The following SAXO2 variants were observed in gnomAD, a reference collection of about 807,000 sequenced individuals.
The protein encoded by SAXO2 is family with sequence similarity 154, member B.
In SAXO2, 17 loss-of-function variants were observed where a neutral mutation model predicts 18.7. The ratio of observed to expected loss-of-function variants is 0.91; its 90% CI spans 0.62 to 1.36. The LOEUF (loss-of-function observed/expected upper bound fraction) is 1.36. SAXO2 is among the 40% of genes most tolerant of loss of function. The pLI is 0.00. For missense variants in SAXO2, 486 were observed against 562.6 expected, an observed-to-expected ratio of 0.86 and a Z score of 1.38; for synonymous variants, 163 against 181.2, an observed-to-expected ratio of 0.90 and a Z score of 0.81.
At chr15:82,266,873 AC>A (rs1475556886) in intron 2 of SAXO2, among the ~76,000 whole-genome samples, 3 of 152,240 alleles carry the variant, frequency 2.0e-5, no homozygotes, top group African/African-American at 7.2e-5. Context: ...CATACTAGGT[AC>A]CCAATATTTG....
intron 2 of SAXO2, among the ~76,000 whole-genome samples, chr15:82,268,984 T>C (rs1228631432): frequency 6.6e-6 from 1 of 152,158 alleles, no homozygotes; most frequent in African/African-American, 2.4e-5. Context: ...TATTCCCCTC[T>C]AGTTCGTATT....
intron 3 of SAXO2, among the ~76,000 whole-genome samples, chr15:82,281,167 G>A (rs1387067457): frequency 6.6e-6 from 1 of 152,132 alleles, no homozygotes; most frequent in Non-Finnish European, 1.5e-5. Context: ...CAATTCTATG[G>A]TATTTCCTAG....
chr15:82,262,972 AGCCGACCTAGG>A (rs1226811725), intron 1 of SAXO2, 40 bp downstream of exon 1: 2 of 1,575,064 alleles, frequency 1.3e-6, no homozygotes, highest in Non-Finnish European at 1.7e-6. Flanking sequence ...CGGGCTTGGG[AGCCGACCTAGG>A]GCCTAGGTGC....
intron 2 of SAXO2, among the ~76,000 whole-genome samples, chr15:82,266,148 A>C (rs569816512): frequency 5.7e-4 from 84 of 148,568 alleles, no homozygotes; most frequent in South Asian, 1.3e-3. Flanking sequence ...ACAACAACAA[A>C]AAAAAAATCA....
intron 1 of SAXO2, chr15:82,264,690 A>C (rs1265765726): frequency 2.8e-6 from 2 of 702,392 alleles, no homozygotes; most frequent in South Asian, 3.0e-5. Flanking sequence ...CTGACAAGGG[A>C]GCCACTGCCT....
In SAXO2 at chr15:82,271,658, T is replaced by C. The variant is rs763641873; in HGVS notation, c.289T>C (p.Tyr97His). 14 of 1,613,910 alleles carry C rather than the reference T, an allele frequency of 8.7e-6. No homozygotes were observed. The highest frequency in any genetic ancestry group is 1.3e-5 in the African/African-American group (1 of 74,924). Residue 97 changes from tyrosine to histidine, a missense_variant, in exon 3 of 4, where the codon TAT becomes CAT. Physicochemically the swap from Tyr to His is moderately conservative, Grantham distance 83. Coordinates refer to ENST00000682753, the MANE Select transcript of SAXO2 (RefSeq NM_001348699.2). ...VKQPRHVPEEYKPKQGKIDLG... is the reference protein window; with the variant it reads ...VKQPRHVPEEHKPKQGKIDLG... ...ACAGCCTCGCCATGTGCCAGAAGAA[T>C]ATAAACCAAAACAAGGGAAGATTGA...
chr15:82,269,893 G>A (rs530765165), intron 2 of SAXO2, among the ~76,000 whole-genome samples: 47 of 152,212 alleles, frequency 3.1e-4, no homozygotes, highest in African/African-American at 1.1e-3. Context: ...ATAGGGGAGA[G>A]AATTGAGGTA....
intron 1 of SAXO2, chr15:82,263,267 T>G (rs1236322549): frequency 7.0e-7 from 1 of 1,423,022 alleles, no homozygotes; most frequent in East Asian, 2.5e-5. Context: ...AGAGTGCATT[T>G]CCACCCCATA....
intron 2 of SAXO2, among the ~76,000 whole-genome samples, chr15:82,267,992 A>C (rs561308572): frequency 6.6e-6 from 1 of 152,224 alleles, no homozygotes; most frequent in Non-Finnish European, 1.5e-5. Flanking sequence ...TGGAACATAA[A>C]ACAGAGAAGG....
At chr15:82,276,774 C>A (rs1567093045) in intron 3 of SAXO2, among the ~76,000 whole-genome samples, 1 of 151,746 alleles carries the variant, frequency 6.6e-6, no homozygotes, top group African/African-American at 2.4e-5. Flanking sequence ...AGCAAATTAA[C>A]AATGTTTTCA....
chr15:82,282,241 A>C lies in SAXO2; in HGVS notation c.556A>C (p.Ile186Leu), dbSNP rs763475905. The C allele has an allele frequency of 6.2e-7, 1 of 1,614,194 alleles. No individual in the cohort carries two copies. Among genetic ancestry groups the C allele is most frequent in the South Asian group, 1.1e-5 (1 of 91,078 alleles). The part of the protein sequence containing the change: ...TFQDDFVPQE[I>L]KPRQSFKPSS... Reference sequence around the variant, plus strand: ...TCAGGATGATTTTGTTCCTCAGGAGATAAAGCCTAGGCAAAGCTTTAAACC... The same window carrying C: ...TCAGGATGATTTTGTTCCTCAGGAGCTAAAGCCTAGGCAAAGCTTTAAACC... Residue 186 changes from isoleucine (I) to leucine (L), a missense_variant, in exon 4 of 4, where the codon ATA becomes CTA. Physicochemically the swap from Ile to Leu is conservative, Grantham distance 5. Transcript: ENST00000682753.
At position 82,282,725 on chromosome 15, in the gene SAXO2, A is replaced by G. The variant is rs1172741408; in HGVS notation, c.1040A>G (p.Glu347Gly). The change falls in exon 4 of 4, where the codon GAA becomes GGA. Residue 347 changes from glutamate (E) to glycine (G), a missense_variant. By Grantham distance (98) the Glu-to-Gly change is moderately conservative (BLOSUM62 -2). Coordinates refer to ENST00000682753, the MANE Select transcript of SAXO2 (RefSeq NM_001348699.2). Reference sequence around the variant, plus strand: ...TTCCAAGGAAAAAGCATCATGAAAGAAGATTTTCCAGCATGGGAAAGTTGT... The same window carrying G: ...TTCCAAGGAAAAAGCATCATGAAAGGAGATTTTCCAGCATGGGAAAGTTGT... ...FPFQGKSIMKEDFPAWESCRQ... is the reference protein window; with the variant it reads ...FPFQGKSIMKGDFPAWESCRQ... The G allele has an allele frequency of 9.3e-6, 15 of 1,614,104 alleles. No individual in the cohort carries two copies. Among genetic ancestry groups the G allele is most frequent in the Non-Finnish European group, 1.2e-5 (14 of 1,180,042 alleles).
intron 1 of SAXO2, 71 bp downstream of exon 1, chr15:82,263,003 G>T: frequency 3.9e-6 from 6 of 1,555,204 alleles, no homozygotes; most frequent in Non-Finnish European, 5.2e-6. Context: ...CACGGAGCCG[G>T]CTCCTCGGGA....
chr15:82,279,786 C>G (rs2075347357), intron 3 of SAXO2, among the ~76,000 whole-genome samples: 1 of 152,232 alleles, frequency 6.6e-6, no homozygotes, highest in African/African-American at 2.4e-5. Context: ...CAACTCAAGA[C>G]TTTTGTCCTC....
rs1412947792 is a variant in SAXO2, at chr15:82,265,367, C to T, written c.54-202C>T. 2.6e-5 allele frequency among the ~76,000 whole-genome samples: 4 copies of T among 152,302 alleles called. No homozygotes were observed. In the South Asian group the frequency reaches 6.2e-4, roughly 24 times the overall value. The stretch of plus-strand genomic sequence containing the variant: ...CCGTGTTAGTCAGGATGGTCTCGAT[C>T]TCCTGACTTTGGGATCCGCCTGCCT... On this transcript the variant is annotated intron_variant, in intron 1 of 3. Transcript: ENST00000682753.
intron 3 of SAXO2, among the ~76,000 whole-genome samples, chr15:82,281,397 TG>T (rs1235541918): frequency 6.6e-6 from 1 of 152,148 alleles, no homozygotes; most frequent in East Asian, 1.9e-4. Context: ...TCTGCTCTGA[TG>T]GTCACTTGAA....
At position 82,282,378 on chromosome 15, in the gene SAXO2, C is replaced by T. The variant is rs375269009; in HGVS notation, c.693C>T (p.Tyr231=). 8 of 1,614,032 alleles carry T rather than the reference C, an allele frequency of 5.0e-6. No individual in the cohort carries two copies. The highest frequency in any genetic ancestry group is 6.8e-6 in the Non-Finnish European group (8 of 1,180,046). Residue 231 remains tyrosine (Y), a synonymous_variant, in exon 4 of 4, where the codon TAC becomes TAT. Transcript: ENST00000682753. The part of the protein sequence containing the change: ...ELKFERPKEV[Y]KPTDQRFEDL... ...AGTTTGAAAGGCCAAAAGAAGTTTA[C>T]AAACCAACTGACCAACGCTTTGAGG... is the stretch of plus-strand genomic sequence containing the variant.
At chr15:82,270,715 A>G (rs764798649) in intron 2 of SAXO2, among the ~76,000 whole-genome samples, 6 of 152,234 alleles carry the variant, frequency 3.9e-5, no homozygotes, top group South Asian at 4.1e-4. Context: ...GGTGGCTACC[A>G]TATTGATCTT....
chr15:82,266,110 A>G lies in SAXO2; in HGVS notation c.233+362A>G, dbSNP rs11856677. Among the ~76,000 whole-genome samples, 710 of 152,168 alleles carry G rather than the reference A, an allele frequency of 4.7e-3. 13 individuals are homozygous for G. Among genetic ancestry groups the G allele is most frequent in the African/African-American group, 0.016 (679 of 41,492 alleles). On this transcript the variant is annotated intron_variant, in intron 2 of 3. Transcript: ENST00000682753. ...TGTCTTGGGCCACACATAAAATACA[A>G]TAACACCAACCATAGCTGATGAGCT...
Sources: allele counts gnomAD v4.1 joint callset (sites outside exome capture counted in the v4.1 genomes callset), GRCh38; gene constraint gnomAD v4.1.1; transcripts MANE v1.5; gene names NCBI Gene and HGNC (gene_info 2026-07-23, HGNC 2026-07-21).